The following TLN2 variants were observed in gnomAD, a reference collection of about 807,000 sequenced individuals.
TLN2 encodes talin-2.
A neutral mutation model predicts 294.7 loss-of-function variants in TLN2; 118 were observed. That is an observed-to-expected ratio of 0.40 (90% CI 0.34 to 0.47). TLN2 has a LOEUF of 0.47. TLN2 is among the 20% of genes least tolerant of loss of function. The pLI is 0.84. For synonymous variants in TLN2, 1,431 were observed against 1,304.5 expected, an observed-to-expected ratio of 1.10 and a Z score of -2.09; for missense variants, 3,083 against 3,282.2, an observed-to-expected ratio of 0.94 and a Z score of 1.48.
In TLN2 at chr15:62,752,882, C is replaced by G. The variant is rs142142003; in HGVS notation, c.4332+455C>G. ...TTCCTTGCCCTTCTTTGACTATCCT[C>G]TGTATTTTCAATGATGATTGACCTC... On this transcript the variant is annotated intron_variant, in intron 35 of 58. Coordinates refer to ENST00000636159, the MANE Select transcript of TLN2 (RefSeq NM_015059.3). 2.8e-3 allele frequency among the ~76,000 whole-genome samples: 423 copies of G among 152,284 alleles called. 1 individual carries two copies. The highest frequency in any genetic ancestry group is 4.3e-3 in the Non-Finnish European group (292 of 68,014).
chr15:62,560,606 G>C (rs187855894), intron 1 of TLN2, among the ~76,000 whole-genome samples: 1 of 152,202 alleles, frequency 6.6e-6, no homozygotes, highest in Non-Finnish European at 1.5e-5. Context: ...GATTACAGGC[G>C]TGAGCCATCA....
intron 2 of TLN2, among the ~76,000 whole-genome samples, chr15:62,603,121 T>C (rs1003361514): frequency 6.6e-6 from 1 of 152,052 alleles, no homozygotes; most frequent in Non-Finnish European, 1.5e-5. Flanking sequence ...CTCCATCTCC[T>C]GACTTCATGA....
chr15:62,577,501 A>C (rs1038950017), intron 1 of TLN2, among the ~76,000 whole-genome samples: 1 of 152,204 alleles, frequency 6.6e-6, no homozygotes, highest in Non-Finnish European at 1.5e-5. Context: ...GAACTACTTC[A>C]TAAAATTCTT....
intron 54 of TLN2, chr15:62,830,411 A>G (rs1250682971): frequency 6.6e-6 from 1 of 152,542 alleles, no homozygotes; most frequent in African/African-American, 2.4e-5. Context: ...GGACTGTTCC[A>G]TTAACAAATT....
intron 1 of TLN2, among the ~76,000 whole-genome samples, chr15:62,429,000 C>A (rs1282732652): frequency 1.3e-5 from 2 of 152,138 alleles, no homozygotes; most frequent in South Asian, 4.2e-4. Flanking sequence ...CTATTGAAAG[C>A]TTCTCTGGGG....
chr15:62,709,549 G>A (rs957561536), intron 21 of TLN2, among the ~76,000 whole-genome samples: 24 of 152,046 alleles, frequency 1.6e-4, no homozygotes, highest in African/African-American at 5.6e-4. Context: ...CAGCAAAAGG[G>A]TGTTTTCAGA....
At chr15:62,434,070 C>T (rs1406830601) in intron 1 of TLN2, among the ~76,000 whole-genome samples, 2 of 126,952 alleles carry the variant, frequency 1.6e-5, no homozygotes, top group African/African-American at 6.0e-5. Context: ...TTTTAATTTT[C>T]AAAAAGTTAA....
intron 11 of TLN2, among the ~76,000 whole-genome samples, chr15:62,677,821 T>TTTTTTTTTTTTTTG (rs2056398477): frequency 6.8e-6 from 1 of 146,102 alleles, no homozygotes; most frequent in African/African-American, 2.5e-5. Context: ...TTTTTTTTTT[T>TTTTTTTTTTTTTTG]GAGACGGAGA....
At chr15:62,836,202 G>T in intron 57 of TLN2, 129 bp downstream of exon 57, 2 of 1,314,960 alleles carry the variant, frequency 1.5e-6, no homozygotes, top group South Asian at 1.4e-5. Context: ...CCACGTTCCA[G>T]CCTCATCTAC....
At chr15:62,833,457 C>G in intron 54 of TLN2, 47 bp from the exon 55 acceptor site, 2 of 1,599,086 alleles carry the variant, frequency 1.3e-6, no homozygotes, top group Non-Finnish European at 1.7e-6. Context: ...AGAAAGAGCC[C>G]TTTGTGGATA....
intron 23 of TLN2, 78 bp downstream of exon 23, chr15:62,716,537 A>C: frequency 6.7e-7 from 1 of 1,489,860 alleles, no homozygotes; most frequent in East Asian, 2.4e-5. Context: ...TGAATTAACA[A>C]GGTGTTGACA....
intron 1 of TLN2, among the ~76,000 whole-genome samples, chr15:62,462,922 A>G (rs567210422): frequency 6.6e-6 from 1 of 152,214 alleles, no homozygotes; most frequent in East Asian, 1.9e-4. Context: ...TGCCACCCCC[A>G]TAGGGAGGAG....
chr15:62,793,985 G>A (rs964339577), intron 46 of TLN2, among the ~76,000 whole-genome samples: 1 of 151,942 alleles, frequency 6.6e-6, no homozygotes, highest in East Asian at 2.0e-4. Context: ...GGACTCCACA[G>A]ACGAGGAAAT....
chr15:62,463,297 A>G (rs1488946228), intron 1 of TLN2, among the ~76,000 whole-genome samples: 3 of 152,090 alleles, frequency 2.0e-5, no homozygotes, highest in South Asian at 2.1e-4. Flanking sequence ...CCTCCCTTCA[A>G]AAGTCAAACT....
At chr15:62,502,825 C>G (rs745326179) in intron 1 of TLN2, among the ~76,000 whole-genome samples, 6 of 152,192 alleles carry the variant, frequency 3.9e-5, no homozygotes, top group Non-Finnish European at 7.3e-5. Context: ...TTGGGCTTCT[C>G]TGTTTTCCTA....
At chr15:62,579,651 C>A (rs140159822) in intron 1 of TLN2, among the ~76,000 whole-genome samples, 1,834 of 152,186 alleles carry the variant, frequency 0.012, 23 homozygotes, top group Admixed American at 0.022. Context: ...AGGAACGTGT[C>A]CCCTGAAGAG....
intron 28 of TLN2, among the ~76,000 whole-genome samples, chr15:62,736,229 A>T (rs1447028579): frequency 6.6e-6 from 1 of 151,798 alleles, no homozygotes; most frequent in Non-Finnish European, 1.5e-5. Context: ...CTGAGGCAGG[A>T]GAATGGCGTG....
At chr15:62,796,467 G>A (rs1161251015) in intron 47 of TLN2, among the ~76,000 whole-genome samples, 174 bp downstream of exon 47, 1 of 152,232 alleles carries the variant, frequency 6.6e-6, no homozygotes, top group African/African-American at 2.4e-5. Context: ...TTTGCCAACT[G>A]TAAACACAGT....
In TLN2 at chr15:62,840,615, G is replaced by A. The variant is rs1406890421; in HGVS notation, c.*5G>A. 1.9e-6 allele frequency: 3 copies of A among 1,613,034 alleles called. No homozygotes were observed. The highest frequency in any genetic ancestry group is 2.2e-5 in the East Asian group (1 of 44,846). ...CTGAGGGAAGATGAGGGCTAAAGGT[G>A]CGAGCCCAGATGGCGAGCCCCAGGG... is the stretch of plus-strand genomic sequence containing the variant. On this transcript the variant is annotated 3_prime_UTR_variant, in exon 59 of 59. Transcript: ENST00000636159.
Sources: gnomAD v4.1 joint callset for allele counts (sites outside exome capture counted in the v4.1 genomes callset) on GRCh38, gnomAD v4.1.1 for gene constraint, MANE v1.5 for transcripts, NCBI Gene and HGNC (gene_info 2026-07-23, HGNC 2026-07-21) for gene names.